LSAMP: variants seen among roughly 807,000 people sequenced by gnomAD.
The protein encoded by LSAMP is limbic system associated membrane protein, also known as limbic system-associated membrane protein.
In LSAMP, 7 loss-of-function variants were observed where a neutral mutation model predicts 38.6. That is an observed-to-expected ratio of 0.18 (90% CI 0.10 to 0.34). LSAMP has a LOEUF of 0.34. LSAMP is among the 10% of genes least tolerant of loss of function. LSAMP has a pLI of 1.00. For synonymous variants in LSAMP, 154 were observed against 166.8 expected, an observed-to-expected ratio of 0.92 and a Z score of 0.59; for missense variants, 313 against 420.0, an observed-to-expected ratio of 0.75 and a Z score of 2.23.
chr3:116,178,017 A>G (rs1471933271), intron 1 of LSAMP, among the ~76,000 whole-genome samples: 2 of 152,190 alleles, frequency 1.3e-5, no homozygotes, highest in African/African-American at 4.8e-5. Flanking sequence ...TTAAATGATG[A>G]AATGAGAAAA....
intron 2 of LSAMP, among the ~76,000 whole-genome samples, chr3:116,036,754 TCA>T (rs1941056502): frequency 6.6e-6 from 1 of 152,222 alleles, no homozygotes; most frequent in East Asian, 1.9e-4. Flanking sequence ...ATCAATAGAG[TCA>T]CAACTTCCAT....
At chr3:116,126,524 T>C (rs574703106) in intron 1 of LSAMP, among the ~76,000 whole-genome samples, 1 of 152,332 alleles carries the variant, frequency 6.6e-6, no homozygotes, top group South Asian at 2.1e-4. Flanking sequence ...GCTGCCTACT[T>C]GCAGATAAGA....
rs1933628048 is a variant in LSAMP at position 115,806,280 on chromosome 3, A to T, written c.*4037T>A. ...CAAAACATTATTCTTAATTTGTCTTATAATACATACATTATTGTAAATATA... is the reference window on the plus strand; with the variant it reads ...CAAAACATTATTCTTAATTTGTCTTTTAATACATACATTATTGTAAATATA... On this transcript the variant is annotated 3_prime_UTR_variant, in exon 7 of 7. Coordinates refer to ENST00000490035, the MANE Select transcript of LSAMP (RefSeq NM_002338.5). 1 of 152,218 alleles carries T rather than the reference A, an allele frequency of 6.6e-6. No individual in the cohort carries two copies. 9.4% of individuals were successfully genotyped at this position (152,218 alleles called of 1,614,324 possible).
At chr3:116,118,110 C>A (rs1708794153) in intron 1 of LSAMP, among the ~76,000 whole-genome samples, 1 of 152,122 alleles carries the variant, frequency 6.6e-6, no homozygotes, top group Admixed American at 6.5e-5. Flanking sequence ...GCATATGTCA[C>A]ATATCATACC....
At chr3:115,894,650 C>T (rs930930043) in intron 3 of LSAMP, among the ~76,000 whole-genome samples, 1 of 152,056 alleles carries the variant, frequency 6.6e-6, no homozygotes, top group African/African-American at 2.4e-5. Context: ...CCACTGATAA[C>T]ATATTTTTTT....
chr3:116,103,611 A>G, intron 1 of LSAMP, among the ~76,000 whole-genome samples: 1 of 146,562 alleles, frequency 6.8e-6, no homozygotes, highest in Non-Finnish European at 1.5e-5. Context: ...AGTCAATGTA[A>G]GAAAATGGCT....
chr3:115,854,293 T>A (rs971619778), intron 3 of LSAMP, among the ~76,000 whole-genome samples: 20 of 142,494 alleles, frequency 1.4e-4, no homozygotes, highest in African/African-American at 3.6e-4. Context: ...TTTTTTTTTT[T>A]TTTTTTTGAG....
chr3:116,069,940 G>A (rs767615061), intron 2 of LSAMP, among the ~76,000 whole-genome samples: 9 of 152,020 alleles, frequency 5.9e-5, no homozygotes, highest in South Asian at 4.1e-4. Context: ...GGACAAAATC[G>A]GAAAGGGAAG....
chr3:115,921,765 G>A (rs6781245), intron 3 of LSAMP, among the ~76,000 whole-genome samples: 4,626 of 152,006 alleles, frequency 0.03, 230 homozygotes, highest in African/African-American at 0.11. Flanking sequence ...CTTAATTTTT[G>A]TTTATATGCA....
chr3:116,134,085 G>T (rs1709194213), intron 1 of LSAMP, among the ~76,000 whole-genome samples: 1 of 152,062 alleles, frequency 6.6e-6, no homozygotes, highest in Admixed American at 6.5e-5. Context: ...AAAAGACGGG[G>T]TCTCATTTGG....
chr3:116,317,626 AT>A (rs1559825892), intron 1 of LSAMP, among the ~76,000 whole-genome samples: 1 of 151,758 alleles, frequency 6.6e-6, no homozygotes, highest in Non-Finnish European at 1.5e-5. Context: ...AAGCGCTGGG[AT>A]TACAGGCGTG....
intron 1 of LSAMP, among the ~76,000 whole-genome samples, chr3:116,387,816 G>A (rs941345557): frequency 7.9e-5 from 12 of 152,052 alleles, no homozygotes; most frequent in East Asian, 1.9e-4. Flanking sequence ...TACTTTTGCC[G>A]GGCGCAGTAT....
chr3:116,232,033 C>T (rs182265116), intron 1 of LSAMP, among the ~76,000 whole-genome samples: 84 of 152,286 alleles, frequency 5.5e-4, no homozygotes, highest in African/African-American at 1.8e-3. Flanking sequence ...CAACCAGAAA[C>T]GTATTTCTAC....
At chr3:116,116,232 C>T (rs9985471) in intron 1 of LSAMP, among the ~76,000 whole-genome samples, 38,073 of 150,878 alleles carry the variant, frequency 0.25, 5,821 homozygotes, top group African/African-American at 0.44. Flanking sequence ...TCTCATTTCA[C>T]GGGTACAATA....
chr3:116,344,563 C>T (rs903486944), intron 1 of LSAMP, among the ~76,000 whole-genome samples: 7 of 152,124 alleles, frequency 4.6e-5, no homozygotes, highest in Admixed American at 6.6e-5. Context: ...GGCTCTTCCA[C>T]TCTACCTCCT....
intron 2 of LSAMP, among the ~76,000 whole-genome samples, chr3:116,060,082 C>T (rs901194731): frequency 3.2e-4 from 49 of 152,148 alleles, no homozygotes; most frequent in African/African-American, 1.2e-3. Context: ...ATTTCCTTTT[C>T]CTTTCTTCTC....
intron 1 of LSAMP, among the ~76,000 whole-genome samples, chr3:116,328,057 G>A (rs2047797399): frequency 6.6e-6 from 1 of 151,580 alleles, no homozygotes; most frequent in Admixed American, 6.6e-5. Flanking sequence ...AGTCTTTTTG[G>A]TGCTCATTAG....
At chr3:115,834,464 T>G (rs1934718304) in intron 6 of LSAMP, 1 of 939,304 alleles carries the variant, frequency 1.1e-6, no homozygotes, top group Non-Finnish European at 1.5e-6. Context: ...TGTATGTGAA[T>G]TTTTTGAATG....
intron 1 of LSAMP, among the ~76,000 whole-genome samples, chr3:116,217,106 T>C (rs2046228878): frequency 6.6e-6 from 1 of 152,210 alleles, no homozygotes; most frequent in East Asian, 1.9e-4. Context: ...GCTGTTTTAA[T>C]TAAGACTCGG....
Sources: gnomAD v4.1 joint callset for allele counts (sites outside exome capture counted in the v4.1 genomes callset) on GRCh38, gnomAD v4.1.1 for gene constraint, MANE v1.5 for transcripts, NCBI Gene and HGNC (gene_info 2026-07-23, HGNC 2026-07-21) for gene names.